Variants in TIMP2 observed in about 807,000 individuals in gnomAD.
TIMP2 encodes TIMP metallopeptidase inhibitor 2.
In TIMP2, 5 loss-of-function variants were observed where a neutral mutation model predicts 24.3. The ratio of observed to expected loss-of-function variants is 0.21; its 90% CI spans 0.11 to 0.43. TIMP2 has a LOEUF of 0.43. Ranked by LOEUF, TIMP2 falls within the 20% of genes least tolerant of loss-of-function variation. The pLI is 1.00. For synonymous variants in TIMP2, 130 were observed against 123.2 expected (o/e 1.06, Z -0.37); for missense variants, 221 against 297.5 (o/e 0.74, Z 1.89).
chr17:78,868,161 T>G (rs925958552), intron 3 of TIMP2, among the ~76,000 whole-genome samples: 5 of 152,098 alleles, frequency 3.3e-5, no homozygotes, highest in African/African-American at 1.2e-4. Context: ...TCATGGATAT[T>G]TGGATTTGGA....
chr17:78,911,627 C>T (rs1292284660), intron 1 of TIMP2, among the ~76,000 whole-genome samples: 3 of 151,926 alleles, frequency 2.0e-5, no homozygotes, highest in African/African-American at 2.4e-5. Context: ...GATGGGGTTT[C>T]GCCATGTTGG....
chr17:78,856,098 T>C, intron 4 of TIMP2: 1 of 569,248 alleles, frequency 1.8e-6, no homozygotes, highest in African/African-American at 1.9e-5. Context: ...ACTGCAGGTG[T>C]GCTTCCCTTT....
At chr17:78,877,997 C>T (rs1240571725) in intron 1 of TIMP2, among the ~76,000 whole-genome samples, 2 of 152,276 alleles carry the variant, frequency 1.3e-5, no homozygotes, top group East Asian at 1.9e-4. Flanking sequence ...TGAGCTACCG[C>T]GCCCGGCCTT....
chr17:78,912,934 G>C lies in TIMP2; in HGVS notation c.130+12025C>G, dbSNP rs139814672. On this transcript the variant is annotated intron_variant, in intron 1 of 4. Coordinates refer to ENST00000262768, the MANE Select transcript of TIMP2 (RefSeq NM_003255.5). ...CTTTATTTGCACTAGGCCAGGCACCGTGGCACAAGCCTGTAATCCCAGTAC... is the reference window on the plus strand; with the variant it reads ...CTTTATTTGCACTAGGCCAGGCACCCTGGCACAAGCCTGTAATCCCAGTAC... Among the ~76,000 whole-genome samples the C allele has an allele frequency of 6.4e-3, 982 of 152,302 alleles. 7 individuals are homozygous for C. Among genetic ancestry groups the C allele is most frequent in the Non-Finnish European group, 0.011 (776 of 68,020 alleles).
At chr17:78,884,195 C>T (rs2069805074) in intron 1 of TIMP2, among the ~76,000 whole-genome samples, 1 of 152,174 alleles carries the variant, frequency 6.6e-6, no homozygotes, top group Non-Finnish European at 1.5e-5. Context: ...CTGCAACCCG[C>T]CCCCCTACAA....
intron 1 of TIMP2, chr17:78,904,556 A>C (rs1384710982): frequency 6.6e-6 from 1 of 152,218 alleles, no homozygotes; most frequent in East Asian, 1.9e-4. Context: ...TTCTCCCTGC[A>C]GGAATGTTCT....
At chr17:78,879,803 T>C (rs939016555) in intron 1 of TIMP2, among the ~76,000 whole-genome samples, 1 of 152,092 alleles carries the variant, frequency 6.6e-6, no homozygotes, top group Non-Finnish European at 1.5e-5. Flanking sequence ...TCGGCTGAAT[T>C]CAAAGCACAC....
At chr17:78,884,492 C>A (rs1007075293) in intron 1 of TIMP2, among the ~76,000 whole-genome samples, 1 of 152,168 alleles carries the variant, frequency 6.6e-6, no homozygotes, top group Admixed American at 6.5e-5. Context: ...ACATGAAGGA[C>A]ATGAAGGCTG....
chr17:78,916,605 A>G (rs911205397), intron 1 of TIMP2, among the ~76,000 whole-genome samples: 1 of 152,122 alleles, frequency 6.6e-6, no homozygotes, highest in African/African-American at 2.4e-5. Context: ...GGTCTTCCCC[A>G]GTGCAGGTGG....
At chr17:78,913,724 C>CA (rs772549289) in intron 1 of TIMP2, among the ~76,000 whole-genome samples, 58 of 148,042 alleles carry the variant, frequency 3.9e-4, no homozygotes, top group East Asian at 3.1e-3. Flanking sequence ...AAAACAACAA[C>CA]AAAAAAAAAC....
intron 3 of TIMP2, among the ~76,000 whole-genome samples, chr17:78,863,972 G>C (rs555365304): frequency 6.6e-6 from 1 of 152,134 alleles, no homozygotes; most frequent in Non-Finnish European, 1.5e-5. Context: ...GGACATTAAC[G>C]AGTCAGGTGT....
intron 1 of TIMP2, among the ~76,000 whole-genome samples, chr17:78,889,858 G>A (rs1370481272): frequency 6.6e-6 from 1 of 152,240 alleles, no homozygotes; most frequent in African/African-American, 2.4e-5. Flanking sequence ...GGTGGCTCAA[G>A]TCTGTAATCC....
chr17:78,865,306 G>A (rs1314796038), intron 3 of TIMP2, among the ~76,000 whole-genome samples: 2 of 152,106 alleles, frequency 1.3e-5, no homozygotes, highest in African/African-American at 4.8e-5. Flanking sequence ...GAAATAGATA[G>A]TGATAGTTAC....
chr17:78,919,474 C>A lies in TIMP2; in HGVS notation c.130+5485G>T, dbSNP rs544393881. 2.0e-5 allele frequency among the ~76,000 whole-genome samples: 3 copies of A among 152,284 alleles called. 1 individual carries two copies. In the South Asian group the frequency reaches 6.2e-4, roughly 32 times the overall value. ...TGACCAGGGGTTACGGTCCCCAGTG[C>A]CGTCCTCCAGATGCGGCTTCTTCAC... On this transcript the variant is annotated intron_variant, in intron 1 of 4. Transcript: ENST00000262768.
At chr17:78,919,650 C>A (rs892460640) in intron 1 of TIMP2, among the ~76,000 whole-genome samples, 2 of 152,086 alleles carry the variant, frequency 1.3e-5, no homozygotes, top group African/African-American at 4.8e-5. Context: ...CCGGCTAACA[C>A]GGTGAAACCC....
chr17:78,889,201 GTA>G (rs1475246286), intron 1 of TIMP2, among the ~76,000 whole-genome samples: 2 of 152,210 alleles, frequency 1.3e-5, no homozygotes, highest in Non-Finnish European at 2.9e-5. Flanking sequence ...TGCAGAAAAA[GTA>G]TGTTGATCCC....
At chr17:78,867,738 G>C (rs1428855619) in intron 3 of TIMP2, among the ~76,000 whole-genome samples, 2 of 151,738 alleles carry the variant, frequency 1.3e-5, no homozygotes, top group Non-Finnish European at 2.9e-5. Flanking sequence ...TGGGACTACA[G>C]GCGCCCGCCA....
At chr17:78,908,509 A>G (rs148083141) in intron 1 of TIMP2, among the ~76,000 whole-genome samples, 1 of 152,258 alleles carries the variant, frequency 6.6e-6, no homozygotes, top group African/African-American at 2.4e-5. Flanking sequence ...GTTAAATCCA[A>G]AGCTGTGAAA....
chr17:78,882,535 C>G (rs944595149), intron 1 of TIMP2, among the ~76,000 whole-genome samples: 1 of 152,244 alleles, frequency 6.6e-6, no homozygotes, highest in Non-Finnish European at 1.5e-5. Context: ...TAACTAATCT[C>G]GTTGGGCTTC....
Sources: allele counts gnomAD v4.1 joint callset (sites outside exome capture counted in the v4.1 genomes callset), GRCh38; gene constraint gnomAD v4.1.1; transcripts MANE v1.5; gene names NCBI Gene and HGNC (gene_info 2026-07-23, HGNC 2026-07-21).